Variants in AKR1E2 observed in about 807,000 individuals in gnomAD.
AKR1E2 encodes the protein 1,5-anhydro-D-fructose reductase.
AKR1E2 carries 43 observed loss-of-function variants against 41.9 expected under a neutral mutation model. The observed-to-expected ratio is 1.03, with a 90% confidence interval of 0.80 to 1.32. AKR1E2 has a LOEUF of 1.32. AKR1E2 is among the 40% of genes most tolerant of loss of function. AKR1E2 has a pLI of 0.00. For synonymous variants in AKR1E2, 121 were observed against 138.9 expected (o/e 0.87, Z 0.91); for missense variants, 423 against 396.5 (o/e 1.07, Z -0.57).
chr10:4,866,957 G>C, the AKR1E2 span, among the ~76,000 whole-genome samples: 1 of 151,876 alleles, frequency 6.6e-6, no homozygotes, highest in African/African-American at 2.4e-5. Flanking sequence ...AGCAGTTTAC[G>C]GAGGGTCAGA....
At position 4,839,739 on chromosome 10, in the gene AKR1E2, A is replaced by T. The variant is rs1728915342; in HGVS notation, c.593A>T (p.His198Leu). ...FKPLTNQIEC[H>L]PYLTQKNLIS... ...ATGATTCTGTTATAGATTGAGTGCC[A>T]CCCATATCTTACTCAGAAGAATCTG... The change falls in exon 6 of 10, where the codon CAC (histidine) becomes CTC (leucine). Residue 198 changes from histidine to leucine, a missense_variant. By Grantham distance (99) the His-to-Leu change is moderately conservative. Transcript: ENST00000298375. 1.2e-6 allele frequency: 2 copies of T among 1,613,766 alleles called. No homozygotes were observed. Among genetic ancestry groups the T allele is most frequent in the Non-Finnish European group, 1.7e-6 (2 of 1,179,768 alleles).
At chr10:4,825,491 C>T (rs1219798055), upstream of AKR1E2, among the ~76,000 whole-genome samples, 3 of 152,124 alleles carry the variant, frequency 2.0e-5, no homozygotes, top group African/African-American at 7.2e-5. Flanking sequence ...AACGGGGGCC[C>T]GAGGCTGCAA....
chr10:4,846,416 T>C (rs1308192053), intron 8 of AKR1E2, among the ~76,000 whole-genome samples: 2 of 152,170 alleles, frequency 1.3e-5, no homozygotes, highest in African/African-American at 4.8e-5. Context: ...GAAAATGTAC[T>C]CTGTGATATG....
chr10:4,839,020 A>G (rs1269815501), intron 5 of AKR1E2, among the ~76,000 whole-genome samples: 2 of 152,210 alleles, frequency 1.3e-5, no homozygotes, highest in Non-Finnish European at 2.9e-5. Context: ...CCTGAGAGCA[A>G]ACGCACTATT....
chr10:4,827,339 T>A (rs1832624159), intron 1 of AKR1E2, among the ~76,000 whole-genome samples: 2 of 141,836 alleles, frequency 1.4e-5, no homozygotes, highest in Non-Finnish European at 3.3e-5. Context: ...AATGTCTTGT[T>A]ATTTTGAAAT....
At chr10:4,872,856 G>A in the AKR1E2 span, among the ~76,000 whole-genome samples, 2 of 152,266 alleles carry the variant, frequency 1.3e-5, no homozygotes, top group Non-Finnish European at 2.9e-5. Context: ...CTTCTAGGAC[G>A]AGTTGCATTT....
the AKR1E2 span, among the ~76,000 whole-genome samples, chr10:4,856,939 C>T: frequency 1.3e-5 from 2 of 152,128 alleles, no homozygotes; most frequent in Admixed American, 6.5e-5. Flanking sequence ...CCATCATCCA[C>T]TTCCAGAGTA....
intron 1 of AKR1E2, among the ~76,000 whole-genome samples, chr10:4,827,996 A>G (rs1832679790): frequency 6.6e-6 from 1 of 152,224 alleles, no homozygotes; most frequent in Admixed American, 6.5e-5. Flanking sequence ...GGTGCATCAA[A>G]TTGGATTAAT....
downstream of AKR1E2, among the ~76,000 whole-genome samples, chr10:4,850,784 C>T (rs1249701540): frequency 6.6e-6 from 1 of 152,048 alleles, no homozygotes; most frequent in Non-Finnish European, 1.5e-5. Flanking sequence ...CTGTGGGTGC[C>T]GCAGGGTGAC....
the AKR1E2 span, among the ~76,000 whole-genome samples, chr10:4,864,446 T>C: frequency 6.6e-6 from 1 of 152,132 alleles, no homozygotes; most frequent in Non-Finnish European, 1.5e-5. Flanking sequence ...AATTAGGTAT[T>C]GATGGGACAT....
chr10:4,870,416 A>AT, the AKR1E2 span, among the ~76,000 whole-genome samples: 4 of 151,258 alleles, frequency 2.6e-5, no homozygotes, highest in South Asian at 2.1e-4. Context: ...ACAAGGTTCT[A>AT]TTTTTTTTCC....
At chr10:4,839,420 G>C (rs537256359) in intron 5 of AKR1E2, among the ~76,000 whole-genome samples, 1 of 152,008 alleles carries the variant, frequency 6.6e-6, no homozygotes, top group East Asian at 1.9e-4. Context: ...ATAAAGGCCG[G>C]GGGAGATGAG....
rs770317180 is a variant in AKR1E2 at position 4,847,549 on chromosome 10, G to T, written c.*19G>T. 1 of 1,613,120 alleles carries T rather than the reference G, an allele frequency of 6.2e-7. No individual in the cohort carries two copies. The highest frequency in any genetic ancestry group is 2.2e-5 in the East Asian group (1 of 44,882). ...ATACTGAGGACGCTTCCCCTTCCTT[G>T]TTTCTGCTCAGCCCAGATGCACAGA... On this transcript the variant is annotated 3_prime_UTR_variant, in exon 10 of 10. Transcript: ENST00000298375.
In AKR1E2 at chr10:4,826,324, C is replaced by A. The variant is rs1443445448; in HGVS notation, c.-1C>A. 2 of 1,234,186 alleles carry A rather than the reference C, an allele frequency of 1.6e-6. No homozygotes were observed. Among genetic ancestry groups the A allele is most frequent in the Admixed American group, 8.5e-5 (2 of 23,634 alleles). The allele number at this position is 1,234,186 out of a possible 1,614,324, so 76.5% of individuals were successfully genotyped here. A position where few individuals can be genotyped will look rare whatever the true frequency, so the allele number is the denominator to read the frequency against. On this transcript the variant is annotated 5_prime_UTR_variant, in exon 1 of 10. Transcript: ENST00000298375. ...GGGCGGCGGGGCGGCCGGCGGCGGC[C>A]ATGGGAGATATCCCAGCCGTGGGCC...
At chr10:4,829,610 A>G (rs976537908) in intron 1 of AKR1E2, among the ~76,000 whole-genome samples, 9 of 151,906 alleles carry the variant, frequency 5.9e-5, no homozygotes, top group Non-Finnish European at 1.3e-4. Flanking sequence ...AATTCCTTGC[A>G]TTCTTTAATA....
the AKR1E2 span, chr10:4,872,041 G>A: frequency 1.3e-5 from 2 of 152,204 alleles, no homozygotes; most frequent in Non-Finnish European, 2.9e-5. Flanking sequence ...TTCTTTGTGA[G>A]TTAAGTACAA....
Position 4,835,827 on chromosome 10 carries a change from A to G in AKR1E2, c.459+18A>G. 6.2e-7 allele frequency: 1 copy of G among 1,612,798 alleles called. No homozygotes were observed. The highest frequency in any genetic ancestry group is 2.2e-5 in the East Asian group (1 of 44,844). On this transcript the variant is annotated intron_variant, in intron 4 of 9. Transcript: ENST00000298375. ...CGTGGGAGGTGAGCTGAGCCACACC[A>G]CCAGGCAGCCTCATCCTGTGTGGGT... is the stretch of plus-strand genomic sequence containing the variant.
chr10:4,840,506 C>G (rs372013694), intron 6 of AKR1E2, among the ~76,000 whole-genome samples: 1 of 152,172 alleles, frequency 6.6e-6, no homozygotes, highest in East Asian at 1.9e-4. Context: ...TGTCTCTTTC[C>G]TTTCCTATGA....
downstream of AKR1E2, among the ~76,000 whole-genome samples, chr10:4,849,010 C>A (rs12415438): frequency 0.016 from 2,426 of 152,304 alleles, 168 homozygotes; most frequent in East Asian, 0.17. Flanking sequence ...CCCTGCCCAG[C>A]CTTCCAGATG....
Sources: gnomAD v4.1 joint callset for allele counts (sites outside exome capture counted in the v4.1 genomes callset) on GRCh38, gnomAD v4.1.1 for gene constraint, MANE v1.5 for transcripts, NCBI Gene and HGNC (gene_info 2026-07-23, HGNC 2026-07-21) for gene names.